Variants in KSR2 observed in about 807,000 individuals in gnomAD.
The protein encoded by KSR2 is kinase suppressor of ras 2.
Under a neutral mutation model 107.8 loss-of-function variants are expected in KSR2, and 25 were observed. The observed-to-expected ratio is 0.23, with a 90% CI of 0.17 to 0.32. The LOEUF (loss-of-function observed/expected upper bound fraction) is 0.32, where lower values mean the gene tolerates loss of function less well. Ranked by LOEUF, KSR2 falls within the 10% of genes least tolerant of loss-of-function variation. The probability of loss-of-function intolerance (pLI) is 1.00; values close to 1 mark genes in which losing one functional copy is unlikely to be tolerated. For missense variants in KSR2, 887 were observed against 1,268.9 expected, an observed-to-expected ratio of 0.70 and a Z score of 4.57; for synonymous variants, 480 against 507.0, an observed-to-expected ratio of 0.95 and a Z score of 0.71.
At chr12:117,517,048 C>T (rs576950410) in intron 14 of KSR2, among the ~76,000 whole-genome samples, 3 of 152,294 alleles carry the variant, frequency 2.0e-5, no homozygotes, top group South Asian at 2.1e-4. Context: ...TTCCATGCCC[C>T]TTCCTTTTTC....
chr12:117,508,846 A>T (rs756431671), intron 14 of KSR2, among the ~76,000 whole-genome samples: 48 of 139,798 alleles, frequency 3.4e-4, no homozygotes, highest in Non-Finnish European at 5.9e-4. Flanking sequence ...TGTTAAACAG[A>T]TGGGTGGATG....
intron 1 of KSR2, among the ~76,000 whole-genome samples, chr12:117,900,859 A>G (rs1894660488): frequency 1.3e-5 from 2 of 152,230 alleles, no homozygotes; most frequent in African/African-American, 4.8e-5. Context: ...TTGATTGGAT[A>G]CTGTCAATTC....
intron 1 of KSR2, among the ~76,000 whole-genome samples, chr12:117,883,759 C>T (rs1894093459): frequency 6.6e-6 from 1 of 151,820 alleles, no homozygotes; most frequent in Non-Finnish European, 1.5e-5. Context: ...ATCTGTAATC[C>T]CAGCTACTTG....
intron 1 of KSR2, among the ~76,000 whole-genome samples, chr12:117,960,889 T>C (rs1236973247): frequency 6.6e-6 from 1 of 151,422 alleles, no homozygotes; most frequent in Non-Finnish European, 1.5e-5. Flanking sequence ...AACCTCTGCC[T>C]TCCAGTCTCC....
Position 117,753,298 on chromosome 12 carries a change from G to A in KSR2, c.986+7713C>T, listed in dbSNP as rs368068815. Among the ~76,000 whole-genome samples the A allele has an allele frequency of 3.1e-3, 474 of 152,210 alleles. 2 individuals carry two copies. Among genetic ancestry groups the A allele is most frequent in the African/African-American group, 0.011 (456 of 41,530 alleles). On this transcript the variant is annotated intron_variant, in intron 4 of 19. Transcript: ENST00000339824. ...ATATGGTGTATCTCTGTTTACATACGGTGGCTCCTTGTGAAGGAGAGGCAT... is the reference window on the plus strand; with the variant it reads ...ATATGGTGTATCTCTGTTTACATACAGTGGCTCCTTGTGAAGGAGAGGCAT...
intron 4 of KSR2, among the ~76,000 whole-genome samples, chr12:117,733,117 G>A (rs759918257): frequency 6.6e-5 from 10 of 151,900 alleles, no homozygotes; most frequent in Non-Finnish European, 1.0e-4. Context: ...GCCACAACGC[G>A]CCATGGCTTA....
intron 6 of KSR2, among the ~76,000 whole-genome samples, chr12:117,579,608 G>C (rs1352405770): frequency 6.6e-6 from 1 of 152,194 alleles, no homozygotes; most frequent in African/African-American, 2.4e-5. Flanking sequence ...GCAATGGATA[G>C]GGCTGGAACT....
At chr12:117,885,089 G>A (rs1308907576) in intron 1 of KSR2, among the ~76,000 whole-genome samples, 4 of 152,152 alleles carry the variant, frequency 2.6e-5, no homozygotes, top group Non-Finnish European at 5.9e-5. Context: ...CTGCCCGGGG[G>A]ACACACAACA....
At chr12:117,690,907 G>A (rs1885785567) in intron 4 of KSR2, among the ~76,000 whole-genome samples, 1 of 152,154 alleles carries the variant, frequency 6.6e-6, no homozygotes, top group Non-Finnish European at 1.5e-5. Flanking sequence ...CACAAAAGCT[G>A]GTCTGTGGTC....
chr12:117,904,646 G>A (rs1443333479), intron 1 of KSR2, among the ~76,000 whole-genome samples: 3 of 152,026 alleles, frequency 2.0e-5, no homozygotes, highest in Non-Finnish European at 4.4e-5. Flanking sequence ...ATCACCCTGG[G>A]AGAGAAAAAA....
chr12:117,771,347 G>A (rs1254238741), intron 3 of KSR2, among the ~76,000 whole-genome samples: 2 of 152,082 alleles, frequency 1.3e-5, no homozygotes, highest in Admixed American at 6.6e-5. Flanking sequence ...TGCTTGAGTT[G>A]TCCCGCCTTT....
At chr12:117,944,126 C>T (rs1418519370) in intron 1 of KSR2, among the ~76,000 whole-genome samples, 2 of 152,170 alleles carry the variant, frequency 1.3e-5, no homozygotes, top group African/African-American at 4.8e-5. Flanking sequence ...CCTGTAATCC[C>T]AGCACTTTGG....
intron 5 of KSR2, among the ~76,000 whole-genome samples, chr12:117,663,942 T>C (rs1333003305): frequency 6.6e-6 from 1 of 152,180 alleles, no homozygotes; most frequent in Non-Finnish European, 1.5e-5. Context: ...CAACACAGAA[T>C]AAATACAGCA....
At chr12:117,714,231 G>C (rs556125188) in intron 4 of KSR2, among the ~76,000 whole-genome samples, 1 of 152,242 alleles carries the variant, frequency 6.6e-6, no homozygotes, top group East Asian at 1.9e-4. Flanking sequence ...GGCTGCAAAT[G>C]ATAAACTGCA....
rs149394707 is a variant in KSR2 at position 117,500,196 on chromosome 12, T to C, written c.2220-14505A>G. On this transcript the variant is annotated intron_variant, in intron 14 of 19. Transcript: ENST00000339824. ...CAGGTTGTAGACTAACATTAGGAAT[T>C]ACTGGATCTGCTCCTTTCACAGGGG... Among the ~76,000 whole-genome samples, 167 of 152,292 alleles carry C rather than the reference T, an allele frequency of 1.1e-3. 5 individuals are homozygous for C. In the East Asian group the frequency reaches 0.029, roughly 27 times the overall value.
rs139507289 is a variant in KSR2 at position 117,517,230 on chromosome 12, T to C, written c.2219+7622A>G. Among the ~76,000 whole-genome samples, 574 of 152,338 alleles carry C rather than the reference T, an allele frequency of 3.8e-3. 10 individuals carry two copies. The highest frequency in any genetic ancestry group is 0.013 in the African/African-American group (543 of 41,574). On this transcript the variant is annotated intron_variant, in intron 14 of 19. Transcript: ENST00000339824. The stretch of plus-strand genomic sequence containing the variant: ...ATATTGCGTTAAACCACGTCATGTT[T>C]TAAGACTTATTTGTTACAGCAGCTA...
intron 16 of KSR2, among the ~76,000 whole-genome samples, chr12:117,479,755 ACTAC>A (rs1405716394): frequency 2.2e-4 from 34 of 152,338 alleles, no homozygotes; most frequent in Admixed American, 8.5e-4. Flanking sequence ...GCTAGAAACT[ACTAC>A]TCAAACTAAC....
At chr12:117,692,449 CATATATATAT>C (rs57091494) in intron 4 of KSR2, among the ~76,000 whole-genome samples, 6,417 of 83,550 alleles carry the variant, frequency 0.077, 440 homozygotes, top group Middle Eastern at 0.11. Flanking sequence ...CAACTTCACT[CATATATATAT>C]ATATATATAT....
intron 4 of KSR2, among the ~76,000 whole-genome samples, chr12:117,711,689 A>G (rs1057477965): frequency 1.3e-5 from 2 of 152,232 alleles, no homozygotes; most frequent in African/African-American, 2.4e-5. Context: ...GACTTTGGCT[A>G]TACTTCTTGC....
Sources: gnomAD v4.1 joint callset for allele counts (sites outside exome capture counted in the v4.1 genomes callset) on GRCh38, gnomAD v4.1.1 for gene constraint, MANE v1.5 for transcripts, NCBI Gene and HGNC (gene_info 2026-07-23, HGNC 2026-07-21) for gene names.